DLGAP2: variants seen among roughly 807,000 people sequenced by gnomAD.
The protein encoded by DLGAP2 is disks large-associated protein 2.
In DLGAP2, 26 loss-of-function variants were observed where a neutral mutation model predicts 100.3. The observed-to-expected ratio is 0.26, with a 90% CI of 0.19 to 0.36. DLGAP2 has a LOEUF of 0.36. Ranked by LOEUF, DLGAP2 falls within the 10% of genes least tolerant of loss-of-function variation. DLGAP2 has a pLI of 1.00. For synonymous variants in DLGAP2, 886 were observed against 630.1 expected, an observed-to-expected ratio of 1.41 and a Z score of -6.08; for missense variants, 1,858 against 1,453.2, an observed-to-expected ratio of 1.28 and a Z score of -4.53.
At position 1,421,533 on chromosome 8, in the gene DLGAP2, G is replaced by T. The variant is rs1157625642; in HGVS notation, c.107-79833G>T. On this transcript the variant is annotated intron_variant, in intron 3 of 14. Coordinates refer to ENST00000637795, the MANE Select transcript of DLGAP2 (RefSeq NM_001346810.2). The stretch of plus-strand genomic sequence containing the variant: ...ATAATACCACAGTATTCCATGGGGT[G>T]GGGGGAATTTAGTTATTTCATTAAA... Among the ~76,000 whole-genome samples, 3 of 152,222 alleles carry T rather than the reference G, an allele frequency of 2.0e-5. No individual in the cohort carries two copies. In the South Asian group the frequency reaches 6.2e-4, roughly 32 times the overall value.
At chr8:1,436,707 C>A (rs1797641364) in intron 3 of DLGAP2, among the ~76,000 whole-genome samples, 1 of 152,138 alleles carries the variant, frequency 6.6e-6, no homozygotes. Context: ...TCGGGCCGCG[C>A]ATTCACTCCC....
intron 2 of DLGAP2, among the ~76,000 whole-genome samples, chr8:1,038,975 C>G (rs1802214379): frequency 6.6e-6 from 1 of 152,196 alleles, no homozygotes; most frequent in South Asian, 2.1e-4. Context: ...TTCTTATGCA[C>G]TGAAATCATA....
intron 2 of DLGAP2, among the ~76,000 whole-genome samples, chr8:921,169 T>G (rs1056135395): frequency 3.9e-5 from 6 of 152,220 alleles, no homozygotes; most frequent in African/African-American, 1.4e-4. Context: ...TCCTTTTTTG[T>G]TTATAGTCCT....
intron 3 of DLGAP2, among the ~76,000 whole-genome samples, chr8:1,411,588 G>T (rs1796732353): frequency 6.6e-6 from 1 of 152,216 alleles, no homozygotes; most frequent in Non-Finnish European, 1.5e-5. Context: ...TGCGGAACCT[G>T]CAGGTGGTAG....
intron 2 of DLGAP2, among the ~76,000 whole-genome samples, chr8:1,048,081 T>G (rs1167549910): frequency 6.6e-6 from 1 of 152,188 alleles, no homozygotes; most frequent in Non-Finnish European, 1.5e-5. Flanking sequence ...GAGTCCGAAT[T>G]TCCGCTGGAA....
intron 13 of DLGAP2, among the ~76,000 whole-genome samples, chr8:1,696,161 C>G (rs1799393361): frequency 6.6e-6 from 1 of 152,262 alleles, no homozygotes; most frequent in South Asian, 2.1e-4. Flanking sequence ...CTTTTAAATC[C>G]CCACTGAATC....
intron 2 of DLGAP2, chr8:1,002,353 G>C (rs914076951): frequency 6.6e-6 from 1 of 152,194 alleles, no homozygotes. Context: ...CATTTAACTT[G>C]TTTAACTAGA....
chr8:1,327,113 G>T (rs998199829), intron 3 of DLGAP2, among the ~76,000 whole-genome samples: 2 of 152,250 alleles, frequency 1.3e-5, no homozygotes, highest in Non-Finnish European at 2.9e-5. Context: ...TCCTGAGAGC[G>T]GAGCCTGCCT....
intron 3 of DLGAP2, among the ~76,000 whole-genome samples, chr8:1,376,724 C>T (rs971662269): frequency 1.4e-5 from 2 of 147,928 alleles, no homozygotes; most frequent in Non-Finnish European, 3.0e-5. Flanking sequence ...TCAACCTGAG[C>T]CCGGTGGGAT....
At chr8:1,568,464 C>T (rs1157862379) in intron 6 of DLGAP2, among the ~76,000 whole-genome samples, 1 of 138,400 alleles carries the variant, frequency 7.2e-6, no homozygotes, top group East Asian at 2.3e-4. Flanking sequence ...GTGCCACTGT[C>T]CACTCAGCAG....
At chr8:1,347,666 C>T (rs1045288130) in intron 3 of DLGAP2, among the ~76,000 whole-genome samples, 2 of 151,280 alleles carry the variant, frequency 1.3e-5, no homozygotes, top group East Asian at 2.0e-4. Context: ...CACAGAGCTG[C>T]GCTGCTCTCA....
chr8:1,172,064 T>C (rs1435330835), intron 2 of DLGAP2, among the ~76,000 whole-genome samples: 5 of 152,076 alleles, frequency 3.3e-5, no homozygotes, highest in Non-Finnish European at 7.4e-5. Context: ...CAGGAGCTCT[T>C]TTAGGGCAGG....
At chr8:1,555,480 C>G (rs549768261) in intron 5 of DLGAP2, among the ~76,000 whole-genome samples, 17 of 152,218 alleles carry the variant, frequency 1.1e-4, no homozygotes, top group Non-Finnish European at 1.5e-4. Context: ...CGCTTCCCCC[C>G]GGCCCCGACT....
intron 8 of DLGAP2, among the ~76,000 whole-genome samples, chr8:1,654,586 G>A (rs10448094): frequency 0.33 from 50,131 of 151,210 alleles, 8,481 homozygotes; most frequent in East Asian, 0.48. Flanking sequence ...ACTTGAACCC[G>A]GGAGGCGGAG....
intron 1 of DLGAP2, among the ~76,000 whole-genome samples, chr8:776,755 G>T (rs988658470): frequency 6.6e-6 from 1 of 152,186 alleles, no homozygotes; most frequent in African/African-American, 2.4e-5. Flanking sequence ...GTGCTGAGGA[G>T]AGCTTTACTT....
intron 2 of DLGAP2, among the ~76,000 whole-genome samples, chr8:920,623 C>T (rs1046906463): frequency 5.3e-5 from 8 of 151,878 alleles, no homozygotes; most frequent in Admixed American, 1.3e-4. Flanking sequence ...TGGTGGTGCC[C>T]GCCTGTAGTC....
intron 1 of DLGAP2, among the ~76,000 whole-genome samples, chr8:878,664 T>C (rs1797728029): frequency 6.6e-6 from 1 of 152,144 alleles, no homozygotes; most frequent in South Asian, 2.1e-4. Context: ...CGAGGGACCC[T>C]CATGGAGAGA....
intron 13 of DLGAP2, among the ~76,000 whole-genome samples, chr8:1,692,823 A>G (rs965598943): frequency 2.0e-5 from 3 of 151,562 alleles, no homozygotes; most frequent in African/African-American, 4.8e-5. Context: ...AAGCAAACAA[A>G]AAGAAAAACC....
In DLGAP2 at chr8:1,022,487, G is replaced by T. The variant is rs112798825; in HGVS notation, c.73+114521G>T. Reference sequence around the variant, plus strand: ...CTCCAGCCGCCATCCATCCTCCCTGGGATTGGACGGTCCCATGCCGAGGTA... The same window carrying T: ...CTCCAGCCGCCATCCATCCTCCCTGTGATTGGACGGTCCCATGCCGAGGTA... On this transcript the variant is annotated intron_variant, in intron 2 of 14. Transcript: ENST00000637795. Among the ~76,000 whole-genome samples, 1,110 of 147,280 alleles carry T rather than the reference G, an allele frequency of 7.5e-3. 18 individuals carry two copies. Among genetic ancestry groups the T allele is most frequent in the African/African-American group, 0.027 (1,054 of 39,184 alleles).
Sources: allele counts gnomAD v4.1 joint callset (sites outside exome capture counted in the v4.1 genomes callset), GRCh38; gene constraint gnomAD v4.1.1; transcripts MANE v1.5; gene names NCBI Gene and HGNC (gene_info 2026-07-23, HGNC 2026-07-21).